The following GRAMD1B variants were observed in gnomAD, a reference collection of about 807,000 sequenced individuals.
The protein encoded by GRAMD1B is protein Aster-B.
A neutral mutation model predicts 99.7 loss-of-function variants in GRAMD1B; 37 were observed. The observed-to-expected ratio is 0.37, with a 90% confidence interval of 0.29 to 0.49. The LOEUF is 0.49. Ranked by LOEUF, GRAMD1B falls within the 20% of genes least tolerant of loss-of-function variation. The pLI, the probability that GRAMD1B is intolerant of heterozygous loss-of-function variation, is 0.98. For missense variants in GRAMD1B, 888 were observed against 1,009.2 expected, an observed-to-expected ratio of 0.88 and a Z score of 1.63; for synonymous variants, 427 against 387.6, an observed-to-expected ratio of 1.10 and a Z score of -1.19.
intron 1 of GRAMD1B, among the ~76,000 whole-genome samples, chr11:123,376,921 TA>T (rs1221398177): frequency 6.6e-6 from 1 of 152,216 alleles, no homozygotes; most frequent in Non-Finnish European, 1.5e-5. Context: ...GCTAGTTAAC[TA>T]AAGTAACAGG....
intron 2 of GRAMD1B, among the ~76,000 whole-genome samples, chr11:123,541,281 A>G (rs1944498217): frequency 6.6e-6 from 1 of 152,182 alleles, no homozygotes; most frequent in African/African-American, 2.4e-5. Flanking sequence ...ATAGAAACCT[A>G]GAAGCCAGAT....
At chr11:123,498,032 G>A (rs1939494510) in intron 2 of GRAMD1B, among the ~76,000 whole-genome samples, 1 of 152,166 alleles carries the variant, frequency 6.6e-6, no homozygotes, top group South Asian at 2.1e-4. Flanking sequence ...GGCCAACAGG[G>A]GGTTTTGCCA....
chr11:123,483,961 C>T (rs1951748806), intron 2 of GRAMD1B, among the ~76,000 whole-genome samples: 1 of 152,140 alleles, frequency 6.6e-6, no homozygotes, highest in South Asian at 2.1e-4. Flanking sequence ...ATGGCACTTC[C>T]AAGGAGCAAA....
At chr11:123,578,117 TG>T (rs1417634938) in intron 3 of GRAMD1B, among the ~76,000 whole-genome samples, 2 of 152,126 alleles carry the variant, frequency 1.3e-5, no homozygotes, top group Non-Finnish European at 2.9e-5. Context: ...CCGGGGCCCT[TG>T]GCCCATGGAT....
In GRAMD1B at chr11:123,606,726, C is replaced by A; in HGVS notation, c.1441C>A (p.Pro481Thr). The stretch of plus-strand genomic sequence containing the variant: ...TGAGATGATCGCTCCTGTGAACTCC[C>A]CTTCACTGGACTTCAATGACAATGA... ...KIEMIAPVNS[P>T]SLDFNDNEDI... Residue 481 changes from proline (P) to threonine (T), a missense_variant, in exon 11 of 20, where the codon CCT (proline) becomes ACT (threonine). By Grantham distance (38) the Pro-to-Thr change is conservative. Around this residue, in one of 5 missense-constraint regions of GRAMD1B, gnomAD observed 269 missense variants for 296.6 expected, o/e 0.91. Transcript: ENST00000635736. The A allele has an allele frequency of 6.2e-7, 1 of 1,613,002 alleles. No homozygotes were observed. The highest frequency in any genetic ancestry group is 8.5e-7 in the Non-Finnish European group (1 of 1,179,104).
intron 2 of GRAMD1B, among the ~76,000 whole-genome samples, chr11:123,513,577 C>CT (rs372525978): frequency 2.1e-4 from 6 of 28,586 alleles, no homozygotes; most frequent in African/African-American, 8.3e-4. Context: ...TCCTTCCTTC[C>CT]TTTCCTTCCT....
intron 1 of GRAMD1B, among the ~76,000 whole-genome samples, chr11:123,445,591 A>G (rs1253589999): frequency 6.6e-6 from 1 of 152,072 alleles, no homozygotes; most frequent in Non-Finnish European, 1.5e-5. Context: ...CAAGGTGGGC[A>G]GGTCACTTGA....
intron 2 of GRAMD1B, among the ~76,000 whole-genome samples, chr11:123,495,138 C>G (rs1280335041): frequency 6.7e-6 from 1 of 149,266 alleles, no homozygotes; most frequent in African/African-American, 2.5e-5. Context: ...CACACACACA[C>G]AGACACACAT....
chr11:123,570,425 T>TC (rs11385122), intron 2 of GRAMD1B, among the ~76,000 whole-genome samples: 55,178 of 117,768 alleles, frequency 0.47, 12,138 homozygotes, highest in East Asian at 0.65. Flanking sequence ...TCTTTTCTTT[T>TC]TTTTTTTTTT....
chr11:123,460,426 C>A (rs1950355457), intron 1 of GRAMD1B: 1 of 152,106 alleles, frequency 6.6e-6, no homozygotes, highest in African/African-American at 2.4e-5. Context: ...CGGGACTGAA[C>A]TTGAAGAGGG....
chr11:123,560,797 C>T (rs1946682434), intron 2 of GRAMD1B: 1 of 435,646 alleles, frequency 2.3e-6, no homozygotes, highest in African/African-American at 2.0e-5. Context: ...CAGAATGGGG[C>T]CCTGGGGGCT....
At chr11:123,563,835 G>A (rs780902684) in intron 2 of GRAMD1B, among the ~76,000 whole-genome samples, 3 of 152,178 alleles carry the variant, frequency 2.0e-5, no homozygotes, top group South Asian at 2.1e-4. Context: ...CTGGGATTTC[G>A]TACCCTGAAT....
At chr11:123,403,746 G>A (rs192237452) in intron 1 of GRAMD1B, among the ~76,000 whole-genome samples, 16 of 151,932 alleles carry the variant, frequency 1.1e-4, no homozygotes, top group East Asian at 3.9e-4. Flanking sequence ...GTTTCGCTAC[G>A]TTGGTGAGGC....
At chr11:123,508,630 C>T (rs556687141) in intron 2 of GRAMD1B, among the ~76,000 whole-genome samples, 1 of 152,132 alleles carries the variant, frequency 6.6e-6, no homozygotes, top group Admixed American at 6.5e-5. Context: ...GATTGAGTTG[C>T]TTGGTTATAA....
At chr11:123,376,306 G>A (rs1438994779) in intron 1 of GRAMD1B, among the ~76,000 whole-genome samples, 2 of 152,158 alleles carry the variant, frequency 1.3e-5, no homozygotes, top group Non-Finnish European at 2.9e-5. Context: ...CTTCTAATCA[G>A]ATGGTGTGTA....
intron 2 of GRAMD1B, among the ~76,000 whole-genome samples, chr11:123,553,687 G>T (rs11219195): frequency 6.6e-6 from 1 of 152,102 alleles, no homozygotes; most frequent in Non-Finnish European, 1.5e-5. Context: ...GGACACCCCT[G>T]AACCAGCCTC....
rs138248092 is a variant in GRAMD1B, at chr11:123,542,549, T to C, written c.453-34818T>C. 3.0e-3 allele frequency among the ~76,000 whole-genome samples: 462 copies of C among 152,244 alleles called. 2 individuals are homozygous for C. The highest frequency in any genetic ancestry group is 0.01 in the African/African-American group (435 of 41,534). ...GGGAAGTCTCCCTGGGGAAGAAGCA[T>C]TGGGAGCAGAGCTTTGAAGAAAAGC... On this transcript the variant is annotated intron_variant, in intron 2 of 19. Transcript: ENST00000635736.
At chr11:123,408,783 A>G (rs1478832696) in intron 1 of GRAMD1B, among the ~76,000 whole-genome samples, 2 of 152,278 alleles carry the variant, frequency 1.3e-5, no homozygotes, top group African/African-American at 4.8e-5. Flanking sequence ...AAATTGCGCT[A>G]AGCATGAATT....
At chr11:123,443,860 C>T (rs768027143) in intron 1 of GRAMD1B, among the ~76,000 whole-genome samples, 24 of 152,308 alleles carry the variant, frequency 1.6e-4, no homozygotes, top group Non-Finnish European at 3.2e-4. Context: ...GGATTACAGG[C>T]GTGAGCCACT....
Sources: allele counts gnomAD v4.1 joint callset (sites outside exome capture counted in the v4.1 genomes callset), GRCh38; gene constraint gnomAD v4.1.1; regional missense constraint gnomAD v4.1.1; transcripts MANE v1.5; gene names NCBI Gene and HGNC (gene_info 2026-07-23, HGNC 2026-07-21).